SPAG16: variants seen among roughly 807,000 people sequenced by gnomAD.
SPAG16 encodes the protein sperm-associated antigen 16 protein.
A neutral mutation model predicts 80.4 loss-of-function variants in SPAG16; 86 were observed. The observed-to-expected ratio is 1.07, with a 90% CI of 0.90 to 1.28. The LOEUF (loss-of-function observed/expected upper bound fraction) is 1.28, where lower values mean the gene tolerates loss of function less well. Among genes scored for constraint, SPAG16 ranks in the 50% most tolerant of loss-of-function variants. The pLI is 0.00. For synonymous variants in SPAG16, 294 were observed against 265.9 expected (o/e 1.11, Z -1.03); for missense variants, 870 against 765.3 (o/e 1.14, Z -1.61).
chr2:213,935,508 G>T (rs72948790), intron 12 of SPAG16, among the ~76,000 whole-genome samples: 1 of 152,260 alleles, frequency 6.6e-6, no homozygotes, highest in Non-Finnish European at 1.5e-5. Context: ...TGCTGTTGGA[G>T]TCCATGAAAT....
At chr2:213,835,508 T>C (rs2074024478) in intron 10 of SPAG16, among the ~76,000 whole-genome samples, 1 of 152,166 alleles carries the variant, frequency 6.6e-6, no homozygotes, top group Admixed American at 6.5e-5. Context: ...CCTGGTCACA[T>C]TTCTCTAGAA....
chr2:213,446,768 G>T (rs1180516471), intron 9 of SPAG16, among the ~76,000 whole-genome samples: 1 of 152,122 alleles, frequency 6.6e-6, no homozygotes, highest in East Asian at 1.9e-4. Flanking sequence ...GATGACTGTT[G>T]CCCCGCTCAA....
intron 13 of SPAG16, among the ~76,000 whole-genome samples, chr2:214,067,600 A>C (rs142506778): frequency 1.3e-5 from 2 of 152,034 alleles, no homozygotes; most frequent in African/African-American, 4.8e-5. Flanking sequence ...TAAGAAAAGG[A>C]TTTTTAGGCA....
intron 10 of SPAG16, among the ~76,000 whole-genome samples, chr2:213,758,494 G>C (rs78293793): frequency 0.024 from 3,663 of 151,988 alleles, 151 homozygotes; most frequent in African/African-American, 0.083. Context: ...AAATTCAATG[G>C]ATAGGAAACC....
chr2:213,532,110 C>T (rs932274413), intron 10 of SPAG16, among the ~76,000 whole-genome samples: 2 of 152,072 alleles, frequency 1.3e-5, no homozygotes, highest in East Asian at 1.9e-4. Context: ...AAATTATGAG[C>T]ATTATATATG....
chr2:213,917,241 A>T (rs1427516734), intron 11 of SPAG16, among the ~76,000 whole-genome samples: 1 of 152,060 alleles, frequency 6.6e-6, no homozygotes, highest in Non-Finnish European at 1.5e-5. Flanking sequence ...TTTTCTTAAG[A>T]TTGCCTTAGC....
intron 10 of SPAG16, among the ~76,000 whole-genome samples, chr2:213,565,995 C>T (rs1222913833): frequency 6.6e-6 from 1 of 152,106 alleles, no homozygotes. Flanking sequence ...GGAGAGGATT[C>T]ATTAGCCCAG....
intron 11 of SPAG16, among the ~76,000 whole-genome samples, chr2:213,897,946 C>A (rs1039734547): frequency 6.6e-6 from 1 of 152,162 alleles, no homozygotes; most frequent in Non-Finnish European, 1.5e-5. Flanking sequence ...TTCTTCAAAG[C>A]ATTGGGCTCC....
At chr2:214,291,406 C>T (rs532462362) in intron 15 of SPAG16, among the ~76,000 whole-genome samples, 70 of 141,018 alleles carry the variant, frequency 5.0e-4, no homozygotes, top group Non-Finnish European at 6.8e-4. Context: ...CCCGGGTTCA[C>T]GCCATTCTCC....
chr2:214,297,638 G>C (rs1310616066), intron 15 of SPAG16, among the ~76,000 whole-genome samples: 2 of 151,958 alleles, frequency 1.3e-5, no homozygotes, highest in Non-Finnish European at 2.9e-5. Flanking sequence ...GAAAATATAA[G>C]TTGGTCGTAC....
chr2:213,803,018 T>C (rs554323299), intron 10 of SPAG16, among the ~76,000 whole-genome samples: 8 of 152,260 alleles, frequency 5.3e-5, no homozygotes, highest in Non-Finnish European at 8.8e-5. Context: ...TAGGAATCTT[T>C]TGGAGTTTTT....
intron 11 of SPAG16, among the ~76,000 whole-genome samples, chr2:213,866,304 C>G (rs1175193678): frequency 6.6e-6 from 1 of 151,908 alleles, no homozygotes; most frequent in African/African-American, 2.4e-5. Flanking sequence ...AGACCCATTT[C>G]ACTATTTTGA....
chr2:214,388,763 T>C (rs748269705), intron 15 of SPAG16, among the ~76,000 whole-genome samples: 5 of 152,240 alleles, frequency 3.3e-5, no homozygotes, highest in Non-Finnish European at 7.3e-5. Context: ...ATTTTTTGGA[T>C]GTCTTTGGAA....
At chr2:213,743,192 C>T (rs573952277) in intron 10 of SPAG16, among the ~76,000 whole-genome samples, 2 of 152,332 alleles carry the variant, frequency 1.3e-5, no homozygotes, top group Admixed American at 6.5e-5. Flanking sequence ...CGTGAGCCAC[C>T]GCGCCCGGCT....
At chr2:213,584,952 G>A (rs1294438494) in intron 10 of SPAG16, among the ~76,000 whole-genome samples, 1 of 152,070 alleles carries the variant, frequency 6.6e-6, no homozygotes, top group East Asian at 1.9e-4. Flanking sequence ...ACTTTGGGAG[G>A]GTGAGGTGGG....
intron 11 of SPAG16, among the ~76,000 whole-genome samples, chr2:213,925,125 A>G (rs1455681519): frequency 1.8e-5 from 1 of 56,882 alleles, no homozygotes; most frequent in Non-Finnish European, 3.6e-5. Context: ...TATTAATACT[A>G]TATCATTATT....
intron 12 of SPAG16, among the ~76,000 whole-genome samples, chr2:213,995,223 G>A (rs1224376805): frequency 1.3e-5 from 2 of 152,170 alleles, no homozygotes; most frequent in African/African-American, 4.8e-5. Context: ...AGCAAAAACT[G>A]TTAGGGGCTT....
At chr2:213,441,139 A>C (rs1392633860) in intron 9 of SPAG16, among the ~76,000 whole-genome samples, 2 of 152,268 alleles carry the variant, frequency 1.3e-5, no homozygotes, top group Non-Finnish European at 2.9e-5. Context: ...GGATACCTGC[A>C]TACAAGAAAT....
chr2:214,177,684 A>T (rs1234040613), intron 15 of SPAG16, among the ~76,000 whole-genome samples: 1 of 150,310 alleles, frequency 6.7e-6, no homozygotes, highest in African/African-American at 2.4e-5. Context: ...TCCGTTGTAC[A>T]TTGATGTGTT....
Sources: allele counts gnomAD v4.1 joint callset (sites outside exome capture counted in the v4.1 genomes callset), GRCh38; gene constraint gnomAD v4.1.1; transcripts MANE v1.5; gene names NCBI Gene and HGNC (gene_info 2026-07-23, HGNC 2026-07-21).